OR5V1: variants seen among roughly 807,000 people sequenced by gnomAD.
OR5V1 encodes olfactory receptor family 5 subfamily V member 1.
For synonymous variants in OR5V1, 134 were observed against 143.2 expected, an observed-to-expected ratio of 0.94 and a Z score of 0.46; for missense variants, 365 against 371.5, an observed-to-expected ratio of 0.98 and a Z score of 0.14.
chr6:29,364,614 C>T (rs1460225054), intron 1 of OR5V1, among the ~76,000 whole-genome samples: 9 of 64,622 alleles, frequency 1.4e-4, no homozygotes, highest in South Asian at 6.4e-4. Context: ...CCGGCTAAAA[C>T]GGTGAAACCC....
intron 1 of OR5V1, among the ~76,000 whole-genome samples, chr6:29,361,870 A>G (rs1450625435): frequency 1.3e-5 from 2 of 152,348 alleles, no homozygotes; most frequent in East Asian, 3.9e-4. Flanking sequence ...AAGAAACTGC[A>G]TCAACTAATG....
At position 29,355,323 on chromosome 6, in the gene OR5V1, T is replaced by G. The variant is rs759465157; in HGVS notation, c.873A>C (p.Thr291=). The change falls in exon 2 of 2, where the codon ACA becomes ACC. Residue 291 remains threonine (T), a synonymous_variant. Transcript: ENST00000641768. ...CTTCTTTGATGTCCTTATTCCTCAA[T>G]GTGTAAATTATAGGGTTTAGCATGG... ...VTPMLNPIIY[T]LRNKDIKEAV... 6.2e-7 allele frequency: 1 copy of G among 1,613,914 alleles called. No homozygotes were observed. Among genetic ancestry groups the G allele is most frequent in the Non-Finnish European group, 8.5e-7 (1 of 1,179,866 alleles).
chr6:29,359,768 T>G (rs1272061682), intron 1 of OR5V1, among the ~76,000 whole-genome samples: 1 of 152,146 alleles, frequency 6.6e-6, no homozygotes, highest in Non-Finnish European at 1.5e-5. Flanking sequence ...TTTCCCACGG[T>G]TTTTGCAATC....
At chr6:29,365,486 G>A (rs1043712720) in intron 1 of OR5V1, among the ~76,000 whole-genome samples, 4 of 152,162 alleles carry the variant, frequency 2.6e-5, no homozygotes, top group African/African-American at 4.8e-5. Flanking sequence ...ATCAAAAAGT[G>A]GGTGATGGAT....
chr6:29,367,682 T>C lies in OR5V1; in HGVS notation c.-83+950A>G, dbSNP rs186393695. Among the ~76,000 whole-genome samples, 19 of 152,172 alleles carry C rather than the reference T, an allele frequency of 1.2e-4. 1 individual carries two copies. In the East Asian group the frequency reaches 3.3e-3, roughly 26 times the overall value. ...GTAGTGAACTAAGAGTAGAAAAAAA[T>C]TCTTCTATTTCCAAATCTAGAACAA... On this transcript the variant is annotated intron_variant, in intron 1 of 1. Transcript: ENST00000641768.
Position 29,355,319 on chromosome 6 carries a change from TCA to T in OR5V1, c.875_876del (p.Leu292Ter), listed in dbSNP as rs1174224606. The T allele has an allele frequency of 1.2e-6, 2 of 1,613,778 alleles. No homozygotes were observed. Reference sequence around the variant, plus strand: ...ACAGCTTCTTTGATGTCCTTATTCCTCAATGTGTAAATTATAGGGTTTAGCAT... The same window carrying T: ...ACAGCTTCTTTGATGTCCTTATTCCTATGTGTAAATTATAGGGTTTAGCAT... Reference protein sequence around the residue: ...TPMLNPIIYTLRNKDIKEAVK... With the variant: ...TPMLNPIIYTXRNKDIKEAVK... On this transcript the variant is annotated frameshift_variant, in exon 2 of 2. Transcript: ENST00000641768. LOFTEE classifies it low-confidence loss of function (END_TRUNC).
intron 1 of OR5V1, among the ~76,000 whole-genome samples, chr6:29,356,823 T>C (rs921468896): frequency 1.3e-5 from 2 of 152,140 alleles, no homozygotes; most frequent in African/African-American, 4.8e-5. Flanking sequence ...AAATGTTGAA[T>C]AGAGGATCAA....
chr6:29,366,325 TAAAAAA>T (rs34270802), intron 1 of OR5V1, among the ~76,000 whole-genome samples: 8 of 125,696 alleles, frequency 6.4e-5, no homozygotes, highest in Non-Finnish European at 1.3e-4. Flanking sequence ...TAAAGTATAT[TAAAAAA>T]AAAAAAAAAA....
At chr6:29,363,074 A>G (rs1778651078) in intron 1 of OR5V1, among the ~76,000 whole-genome samples, 1 of 152,154 alleles carries the variant, frequency 6.6e-6, no homozygotes, top group African/African-American at 2.4e-5. Context: ...AGAAGAAAAG[A>G]GAGAAGAATC....
At position 29,354,590 on chromosome 6, in the gene OR5V1, C is replaced by G. The variant is rs1281594300; in HGVS notation, c.*640G>C. On this transcript the variant is annotated 3_prime_UTR_variant, in exon 2 of 2. Transcript: ENST00000641768. ...TGGGGACTTAGTTTTAGAAAAATCC[C>G]TCAGGAAATTCTGCCTTTTGAATAG... 1.3e-5 allele frequency: 2 copies of G among 152,034 alleles called. No homozygotes were observed. Among genetic ancestry groups the G allele is most frequent in the East Asian group, 3.8e-4 (2 of 5,196 alleles). The allele number at this position is 152,034 out of a possible 1,614,324, so 9.4% of individuals were successfully genotyped here.
At chr6:29,358,138 A>G (rs1778402894) in intron 1 of OR5V1, among the ~76,000 whole-genome samples, 1 of 152,124 alleles carries the variant, frequency 6.6e-6, no homozygotes, top group Non-Finnish European at 1.5e-5. Flanking sequence ...CATTACCACA[A>G]CTGAATAAAT....
In OR5V1 at chr6:29,364,573, C is replaced by T. The variant is rs1202562712; in HGVS notation, c.-83+4059G>A. Among the ~76,000 whole-genome samples the T allele has an allele frequency of 5.7e-5, 4 of 70,700 alleles. 1 individual carries two copies. Among genetic ancestry groups the T allele is most frequent in the Non-Finnish European group, 9.8e-5 (3 of 30,548 alleles). The allele number at this position is 70,700 out of a possible 152,430, so 46.4% of individuals were successfully genotyped here. On this transcript the variant is annotated intron_variant, in intron 1 of 1. Coordinates refer to ENST00000641768, the MANE Select transcript of OR5V1 (RefSeq NM_030876.6). ...CAGCACTTTGGGAGGCCGAGGCGGG[C>T]GGATCACGAGGTCAGGAGATCGAGA... is the stretch of plus-strand genomic sequence containing the variant.
rs1164982410 is a variant in OR5V1, at chr6:29,355,360, C to G, written c.836G>C (p.Ser279Thr). 1 of 1,614,026 alleles carries G rather than the reference C, an allele frequency of 6.2e-7. No individual in the cohort carries two copies. The highest frequency in any genetic ancestry group is 8.5e-7 in the Non-Finnish European group (1 of 1,179,918). ...AGGGTTTAGCATGGGGGTAACAACA[C>G]TGTACAACACTGAAACCAACCTATC... ...KKDRLVSVLY[S>T]VVTPMLNPII... is the part of the protein sequence containing the mutation. Residue 279 changes from serine (S) to threonine (T), a missense_variant, in exon 2 of 2, where the codon AGT becomes ACT. By Grantham distance (58) the Ser-to-Thr change is moderately conservative. Transcript: ENST00000641768.
intron 1 of OR5V1, among the ~76,000 whole-genome samples, chr6:29,364,976 CAA>C (rs773460613): frequency 6.6e-6 from 1 of 151,294 alleles, no homozygotes; most frequent in African/African-American, 2.4e-5. Flanking sequence ...TACAACCTGA[CAA>C]ACCTGACAAA....
intron 1 of OR5V1, among the ~76,000 whole-genome samples, chr6:29,366,849 C>T (rs1366661625): frequency 6.6e-6 from 1 of 152,166 alleles, no homozygotes; most frequent in East Asian, 1.9e-4. Flanking sequence ...GGAGGACACA[C>T]TTGGCTCAGC....
chr6:29,366,467 CT>C (rs1370370108), intron 1 of OR5V1, among the ~76,000 whole-genome samples: 1 of 151,686 alleles, frequency 6.6e-6, no homozygotes, highest in African/African-American at 2.4e-5. Flanking sequence ...GAGGTATGTA[CT>C]AGAGATACGA....
intron 1 of OR5V1, among the ~76,000 whole-genome samples, chr6:29,359,768 T>A (rs1272061682): frequency 6.6e-6 from 1 of 152,028 alleles, no homozygotes; most frequent in Non-Finnish European, 1.5e-5. Context: ...TTTCCCACGG[T>A]TTTTGCAATC....
Position 29,355,375 on chromosome 6 carries a change from A to G in OR5V1, c.821T>C (p.Val274Ala). 1 of 1,614,024 alleles carries G rather than the reference A, an allele frequency of 6.2e-7. No individual in the cohort carries two copies. The highest frequency in any genetic ancestry group is 8.5e-7 in the Non-Finnish European group (1 of 1,179,924). Residue 274 changes from valine to alanine, a missense_variant, in exon 2 of 2, where the codon GTT becomes GCT. Transcript: ENST00000641768. ...STYSLKKDRL[V>A]SVLYSVVTPM... ...GGTAACAACACTGTACAACACTGAAACCAACCTATCTTTCTTTAATGAGTA... is the reference window on the plus strand; with the variant it reads ...GGTAACAACACTGTACAACACTGAAGCCAACCTATCTTTCTTTAATGAGTA...
chr6:29,355,924 C>T lies in OR5V1; in HGVS notation c.272G>A (p.Ser91Asn). 4.3e-6 allele frequency: 7 copies of T among 1,613,994 alleles called. No individual in the cohort carries two copies. Among genetic ancestry groups the T allele is most frequent in the Non-Finnish European group, 5.9e-6 (7 of 1,179,960 alleles). The part of the protein sequence containing the change: ...MMVHLLSKKK[S>N]ISYVGCVVQL... ...AACCACACACCCCACATAAGAAATG[C>T]TTTTTTTCTTTGAGAGGAGGTGCAC... Residue 91 changes from serine (S) to asparagine (N), a missense_variant, in exon 2 of 2, where the codon AGC (serine) becomes AAC (asparagine). Transcript: ENST00000641768.
Sources: gnomAD v4.1 joint callset for allele counts (sites outside exome capture counted in the v4.1 genomes callset) on GRCh38, gnomAD v4.1.1 for gene constraint, MANE v1.5 for transcripts, NCBI Gene and HGNC (gene_info 2026-07-23, HGNC 2026-07-21) for gene names.